Variants in DLGAP2 observed in about 807,000 individuals in gnomAD.
DLGAP2 encodes DLG associated protein 2, also known as disks large-associated protein 2.
A neutral mutation model predicts 100.3 loss-of-function variants in DLGAP2; 26 were observed. The observed-to-expected ratio is 0.26, with a 90% CI of 0.19 to 0.36. The LOEUF (loss-of-function observed/expected upper bound fraction) is 0.36. DLGAP2 is among the 10% of genes least tolerant of loss of function. The probability of loss-of-function intolerance (pLI) is 1.00; values close to 1 mark genes in which losing one functional copy is unlikely to be tolerated. For missense variants in DLGAP2, 1,858 were observed against 1,453.2 expected (o/e 1.28, Z -4.53); for synonymous variants, 886 against 630.1 (o/e 1.41, Z -6.08).
intron 4 of DLGAP2, among the ~76,000 whole-genome samples, chr8:1,544,077 A>T (rs1016383738): frequency 2.7e-5 from 4 of 150,270 alleles, no homozygotes; most frequent in Non-Finnish European, 5.9e-5. Flanking sequence ...TAATTTTTGT[A>T]TTTTTTTTTA....
At chr8:1,346,202 C>G (rs1362533820) in intron 3 of DLGAP2, among the ~76,000 whole-genome samples, 10 of 152,224 alleles carry the variant, frequency 6.6e-5, no homozygotes, top group Admixed American at 3.9e-4. Flanking sequence ...CTGCATTGCA[C>G]TCACGGTAGC....
At chr8:1,352,065 G>A (rs1305258269) in intron 3 of DLGAP2, among the ~76,000 whole-genome samples, 1 of 54,716 alleles carries the variant, frequency 1.8e-5, no homozygotes, top group African/African-American at 4.5e-5. Flanking sequence ...TGTGTGGAAC[G>A]GCCGTGCGGG....
chr8:835,658 T>C (rs2132707929), intron 1 of DLGAP2, among the ~76,000 whole-genome samples: 1 of 152,320 alleles, frequency 6.6e-6, no homozygotes, highest in South Asian at 2.1e-4. Flanking sequence ...CTTCCTGAAC[T>C]TCAGGTTTGC....
chr8:961,109 C>A (rs1441361850), intron 2 of DLGAP2, among the ~76,000 whole-genome samples: 3 of 152,216 alleles, frequency 2.0e-5, no homozygotes, highest in African/African-American at 4.8e-5. Flanking sequence ...GTACATATTC[C>A]ATTAGGCTTG....
At chr8:1,669,865 T>G in intron 10 of DLGAP2, 81 bp downstream of exon 10, 2 of 772,678 alleles carry the variant, frequency 2.6e-6, no homozygotes, top group Non-Finnish European at 4.8e-6. Context: ...ATGCGACCGC[T>G]CTTGTCGCCT....
At chr8:1,480,871 A>AG (rs1554480657) in intron 3 of DLGAP2, among the ~76,000 whole-genome samples, 11 of 149,530 alleles carry the variant, frequency 7.4e-5, no homozygotes, top group Non-Finnish European at 1.0e-4. Context: ...CATATAAAAA[A>AG]AAAAGAAAAG....
intron 2 of DLGAP2, among the ~76,000 whole-genome samples, chr8:998,224 A>G (rs909019542): frequency 1.3e-5 from 2 of 152,260 alleles, no homozygotes; most frequent in African/African-American, 4.8e-5. Flanking sequence ...ATGCATGCAC[A>G]CACGGGTTGG....
chr8:1,268,050 C>T (rs1181153721), intron 3 of DLGAP2, among the ~76,000 whole-genome samples: 1 of 152,152 alleles, frequency 6.6e-6, no homozygotes. Context: ...CATCTGGTGT[C>T]TGAGATTGCG....
chr8:910,915 T>C (rs935789842), intron 2 of DLGAP2, among the ~76,000 whole-genome samples: 7 of 152,172 alleles, frequency 4.6e-5, no homozygotes, highest in Non-Finnish European at 5.9e-5. Context: ...ACATTTGGGC[T>C]GAAGGCGGGC....
chr8:1,008,483 C>T (rs1236578968), intron 2 of DLGAP2, among the ~76,000 whole-genome samples: 2 of 152,206 alleles, frequency 1.3e-5, no homozygotes, highest in Non-Finnish European at 2.9e-5. Flanking sequence ...ACAAAGCTAA[C>T]ATTTGTATAT....
chr8:1,472,069 G>A (rs556599198), intron 3 of DLGAP2, among the ~76,000 whole-genome samples: 3 of 152,242 alleles, frequency 2.0e-5, no homozygotes, highest in Non-Finnish European at 4.4e-5. Flanking sequence ...TAGCAGCCAC[G>A]ATTGAGCGTG....
intron 5 of DLGAP2, among the ~76,000 whole-genome samples, chr8:1,555,541 A>G (rs1801935732): frequency 6.6e-6 from 1 of 152,148 alleles, no homozygotes; most frequent in Admixed American, 6.5e-5. Context: ...GCTTGGCAGG[A>G]TCTCGCTGGT....
chr8:1,148,663 C>G lies in DLGAP2; in HGVS notation c.74-110188C>G, dbSNP rs534869352. ...ACATTTTCTAATTTTCATTTTATTT[C>G]TCTTTTGACAAAAATATTTTAGAAG... On this transcript the variant is annotated intron_variant, in intron 2 of 14. Coordinates refer to ENST00000637795, the MANE Select transcript of DLGAP2 (RefSeq NM_001346810.2). Among the ~76,000 whole-genome samples the G allele has an allele frequency of 3.9e-5, 6 of 152,118 alleles. No individual in the cohort carries two copies. In the East Asian group the frequency reaches 9.6e-4, roughly 24 times the overall value.
At chr8:965,889 C>CCTCA (rs1799858401) in intron 2 of DLGAP2, among the ~76,000 whole-genome samples, 1 of 152,302 alleles carries the variant, frequency 6.6e-6, no homozygotes, top group Non-Finnish European at 1.5e-5. Context: ...GCGCTGTTCA[C>CCTCA]CACCGCATGT....
intron 3 of DLGAP2, among the ~76,000 whole-genome samples, chr8:1,315,239 T>C (rs1290046709): frequency 6.6e-5 from 10 of 152,104 alleles, no homozygotes; most frequent in Admixed American, 1.3e-4. Context: ...ACAGTGTCTC[T>C]CCAGCAGTGG....
intron 4 of DLGAP2, among the ~76,000 whole-genome samples, chr8:1,513,670 C>G (rs1361450712): frequency 6.6e-6 from 1 of 152,210 alleles, no homozygotes; most frequent in Non-Finnish European, 1.5e-5. Flanking sequence ...GGAACTGCAG[C>G]TTTTCTCAGT....
At chr8:1,649,826 T>G (rs1351782795) in intron 8 of DLGAP2, among the ~76,000 whole-genome samples, 2 of 152,180 alleles carry the variant, frequency 1.3e-5, no homozygotes. Context: ...TGGGGAATAT[T>G]TGTATCTCTA....
chr8:1,690,942 A>G (rs1179718323), intron 12 of DLGAP2, among the ~76,000 whole-genome samples: 2 of 152,074 alleles, frequency 1.3e-5, no homozygotes, highest in Non-Finnish European at 2.9e-5. Flanking sequence ...GGGAAGCCAC[A>G]TCTTCCTACG....
intron 1 of DLGAP2, among the ~76,000 whole-genome samples, chr8:870,290 T>G (rs1797573302): frequency 6.6e-6 from 1 of 152,184 alleles, no homozygotes; most frequent in Non-Finnish European, 1.5e-5. Context: ...AGATGATGCT[T>G]ATAAACCTCT....
Sources: gnomAD v4.1 joint callset for allele counts (sites outside exome capture counted in the v4.1 genomes callset) on GRCh38, gnomAD v4.1.1 for gene constraint, MANE v1.5 for transcripts, NCBI Gene and HGNC (gene_info 2026-07-23, HGNC 2026-07-21) for gene names.